MGRN1: variants seen among roughly 807,000 people sequenced by gnomAD.
MGRN1 encodes E3 ubiquitin-protein ligase MGRN1.
Under a neutral mutation model 69.2 loss-of-function variants are expected in MGRN1, and 29 were observed. The observed-to-expected ratio is 0.42, with a 90% CI of 0.31 to 0.57. MGRN1 has a LOEUF of 0.57. Among genes scored for constraint, MGRN1 ranks in the 20% least tolerant of loss-of-function variants. MGRN1 has a pLI of 0.15. For missense variants in MGRN1, 998 were observed against 796.2 expected, an observed-to-expected ratio of 1.25 and a Z score of -3.05; for synonymous variants, 470 against 344.2, an observed-to-expected ratio of 1.37 and a Z score of -4.04.
intron 1 of MGRN1, among the ~76,000 whole-genome samples, chr16:4,627,638 A>C (rs764175834): frequency 2.0e-5 from 3 of 147,950 alleles, no homozygotes; most frequent in Non-Finnish European, 4.5e-5. Flanking sequence ...ATACAAAAAA[A>C]TTTAGCCGGG....
intron 1 of MGRN1, among the ~76,000 whole-genome samples, chr16:4,626,958 A>G (rs1467217947): frequency 6.6e-6 from 1 of 151,930 alleles, no homozygotes; most frequent in African/African-American, 2.4e-5. Context: ...TCTCTTCTCC[A>G]TCCTTCCCTG....
intron 1 of MGRN1, 42 bp from the exon 2 acceptor site, chr16:4,650,317 CAAAAAA>C (rs373572089): frequency 9.0e-6 from 11 of 1,220,640 alleles, no homozygotes; most frequent in Middle Eastern, 4.6e-4. Context: ...GACTCTGTCT[CAAAAAA>C]AAAAAAAAAA....
intron 4 of MGRN1, among the ~76,000 whole-genome samples, chr16:4,653,471 C>T (rs758099951): frequency 1.5e-4 from 23 of 152,118 alleles, no homozygotes; most frequent in Admixed American, 3.3e-4. Context: ...AAATTCAGTT[C>T]CAGGTTTTTG....
chr16:4,631,309 T>C (rs1157684719), intron 1 of MGRN1, among the ~76,000 whole-genome samples: 1 of 152,222 alleles, frequency 6.6e-6, no homozygotes, highest in Non-Finnish European at 1.5e-5. Flanking sequence ...AGCAAGACCA[T>C]GTCTCTTAAA....
chr16:4,645,391 A>C (rs1413454324), intron 1 of MGRN1, among the ~76,000 whole-genome samples: 1 of 151,366 alleles, frequency 6.6e-6, no homozygotes, highest in Admixed American at 6.6e-5. Context: ...CTGGTCTTGA[A>C]CTCTGGGGCT....
At chr16:4,665,247 G>C (rs1270429670) in intron 7 of MGRN1, 96 bp downstream of exon 7, 11 of 1,378,238 alleles carry the variant, frequency 8.0e-6, no homozygotes, top group Non-Finnish European at 1.1e-5. Flanking sequence ...CTGGGGCTTG[G>C]TGGGGTGGCT....
In MGRN1 at chr16:4,671,376, C is replaced by T. The variant is rs779432863; in HGVS notation, c.727-15C>T. On this transcript the variant is annotated splice_polypyrimidine_tract_variant and intron_variant, in intron 8 of 16. Transcript: ENST00000262370. The stretch of plus-strand genomic sequence containing the variant: ...CAGTTGGCGAGGGCCCAGTGAGCCC[C>T]TCTCTGCTCTCCAGGTGGACCGGGT... The T allele has an allele frequency of 3.1e-6, 5 of 1,614,020 alleles. No homozygotes were observed. The highest frequency in any genetic ancestry group is 3.4e-6 in the Non-Finnish European group (4 of 1,179,928).
At chr16:4,637,118 C>CAA (rs36033548) in intron 1 of MGRN1, among the ~76,000 whole-genome samples, 238 of 48,366 alleles carry the variant, frequency 4.9e-3, no homozygotes, top group Middle Eastern at 0.018. Flanking sequence ...GACTCCATCT[C>CAA]AAAAAAAAAA....
At chr16:4,628,644 A>G (rs1358832503) in intron 1 of MGRN1, among the ~76,000 whole-genome samples, 1 of 152,016 alleles carries the variant, frequency 6.6e-6, no homozygotes, top group Non-Finnish European at 1.5e-5. Context: ...TCCTGGGTTC[A>G]AGCAATTCTC....
chr16:4,639,427 G>C (rs1316205189), intron 1 of MGRN1, among the ~76,000 whole-genome samples: 1 of 152,218 alleles, frequency 6.6e-6, no homozygotes, highest in Non-Finnish European at 1.5e-5. Context: ...GCAGAGCGGG[G>C]AGCTTGGCCA....
chr16:4,661,884 G>T (rs971776427), intron 5 of MGRN1, among the ~76,000 whole-genome samples: 2 of 152,214 alleles, frequency 1.3e-5, no homozygotes, highest in African/African-American at 4.8e-5. Context: ...TGGGTTACGT[G>T]TGCCATTCAT....
At chr16:4,668,743 T>TAC (rs1005720819) in intron 8 of MGRN1, among the ~76,000 whole-genome samples, 5 of 139,144 alleles carry the variant, frequency 3.6e-5, no homozygotes, top group African/African-American at 1.3e-4. Flanking sequence ...CACATACTGA[T>TAC]ACACACACAT....
At position 4,665,099 on chromosome 16, in the gene MGRN1, C is replaced by A; in HGVS notation, c.629-3C>A. 6.2e-7 allele frequency: 1 copy of A among 1,614,214 alleles called. No homozygotes were observed. Among genetic ancestry groups the A allele is most frequent in the Non-Finnish European group, 8.5e-7 (1 of 1,180,034 alleles). ...GACTACTCTGCCCCTCTCTCCCCAG[C>A]AGTGGTGGAAGTGACTGGCCACGCC... On this transcript the variant is annotated splice_region_variant and splice_polypyrimidine_tract_variant and intron_variant, in intron 6 of 16. Transcript: ENST00000262370.
At chr16:4,639,317 G>A (rs190022526) in intron 1 of MGRN1, among the ~76,000 whole-genome samples, 7,485 of 152,136 alleles carry the variant, frequency 0.049, 606 homozygotes, top group African/African-American at 0.17. Flanking sequence ...GTTGGCCTGC[G>A]TGGTGGTCCA....
At chr16:4,679,351 G>C (rs948957397) in intron 11 of MGRN1, among the ~76,000 whole-genome samples, 9 of 152,132 alleles carry the variant, frequency 5.9e-5, no homozygotes, top group African/African-American at 2.2e-4. Context: ...GCCGGGGTCC[G>C]AGGTGTGACC....
intron 5 of MGRN1, among the ~76,000 whole-genome samples, chr16:4,661,599 A>G (rs920266442): frequency 1.3e-5 from 2 of 151,662 alleles, no homozygotes; most frequent in African/African-American, 4.9e-5. Flanking sequence ...GGCAGCCTTG[A>G]CTCTGGCCCT....
At chr16:4,681,321 C>G (rs2079177944) in intron 12 of MGRN1, 1 of 551,760 alleles carries the variant, frequency 1.8e-6, no homozygotes, top group East Asian at 3.1e-5. Context: ...TGCCCTCGTG[C>G]CCGTCATCCC....
At position 4,657,240 on chromosome 16, in the gene MGRN1, C is replaced by T. The variant is rs372007756; in HGVS notation, c.444-6C>T. 12 of 1,613,174 alleles carry T rather than the reference C, an allele frequency of 7.4e-6. No homozygotes were observed. The East Asian group carries it at 2.2e-4, about 30-fold the overall frequency. The stretch of plus-strand genomic sequence containing the variant: ...AGCCTCACTGCTTGCTCCTGGCTCC[C>T]TGCAGATACAGCCCCAAGAGCCCCT... On this transcript the variant is annotated splice_polypyrimidine_tract_variant and splice_region_variant and intron_variant, in intron 4 of 16. Coordinates refer to ENST00000262370, the MANE Select transcript of MGRN1 (RefSeq NM_015246.4).
chr16:4,671,320 G>A (rs1356231846), intron 8 of MGRN1, 71 bp from the exon 9 acceptor site: 1 of 1,484,184 alleles, frequency 6.7e-7, no homozygotes, highest in Non-Finnish European at 9.4e-7. Context: ...GCAGGGCTAG[G>A]CCAGGTGGGT....
Sources: allele counts gnomAD v4.1 joint callset (sites outside exome capture counted in the v4.1 genomes callset), GRCh38; gene constraint gnomAD v4.1.1; transcripts MANE v1.5; gene names NCBI Gene and HGNC (gene_info 2026-07-23, HGNC 2026-07-21).